MSI2: variants seen among roughly 807,000 people sequenced by gnomAD.
The protein encoded by MSI2 is musashi RNA binding protein 2.
A neutral mutation model predicts 45.6 loss-of-function variants in MSI2; 17 were observed. That is an observed-to-expected ratio of 0.37 (90% CI 0.26 to 0.56). The LOEUF (loss-of-function observed/expected upper bound fraction) is 0.56, where lower values mean the gene tolerates loss of function less well. Among genes scored for constraint, MSI2 ranks in the 20% least tolerant of loss-of-function variants. MSI2 has a pLI of 0.77. For missense variants in MSI2, 293 were observed against 444.2 expected (o/e 0.66, Z 3.06); for synonymous variants, 156 against 158.2 (o/e 0.99, Z 0.11).
chr17:57,283,775 C>T (rs1909625880), intron 5 of MSI2, among the ~76,000 whole-genome samples: 1 of 152,236 alleles, frequency 6.6e-6, no homozygotes, highest in African/African-American at 2.4e-5. Flanking sequence ...CAGAAGACCA[C>T]ACGCGCACGC....
intron 5 of MSI2, among the ~76,000 whole-genome samples, chr17:57,376,309 A>G (rs2083495360): frequency 6.6e-6 from 1 of 152,226 alleles, no homozygotes; most frequent in East Asian, 1.9e-4. Flanking sequence ...GCTCAAAGGG[A>G]TGAAGAGTCT....
At chr17:57,564,104 A>T (rs2087667745) in intron 7 of MSI2, among the ~76,000 whole-genome samples, 1 of 152,160 alleles carries the variant, frequency 6.6e-6, no homozygotes, top group South Asian at 2.1e-4. Flanking sequence ...AAAGGCCCCC[A>T]TGTCCCTGGC....
chr17:57,504,087 C>T (rs990327060), intron 6 of MSI2, among the ~76,000 whole-genome samples: 1 of 152,144 alleles, frequency 6.6e-6, no homozygotes, highest in Non-Finnish European at 1.5e-5. Context: ...TGGCTCTGAC[C>T]TCTCAAATTC....
At chr17:57,699,510 C>A in the MSI2 span, among the ~76,000 whole-genome samples, 1 of 151,612 alleles carries the variant, frequency 6.6e-6, no homozygotes, top group Non-Finnish European at 1.5e-5. Flanking sequence ...AGAGATACTT[C>A]CACGTGCTAA....
At chr17:57,366,418 T>C (rs1376173630) in intron 5 of MSI2, among the ~76,000 whole-genome samples, 1 of 152,256 alleles carries the variant, frequency 6.6e-6, no homozygotes, top group Non-Finnish European at 1.5e-5. Flanking sequence ...AGACACATTC[T>C]GTAATTCATA....
At chr17:57,281,349 T>A (rs1277233552) in intron 5 of MSI2, among the ~76,000 whole-genome samples, 1 of 152,152 alleles carries the variant, frequency 6.6e-6, no homozygotes, top group Non-Finnish European at 1.5e-5. Flanking sequence ...TCTGAGCTCA[T>A]GTGGGCCACT....
intron 10 of MSI2, among the ~76,000 whole-genome samples, chr17:57,638,478 G>A (rs1027739164): frequency 1.3e-5 from 2 of 152,236 alleles, no homozygotes; most frequent in Admixed American, 1.3e-4. Flanking sequence ...AGTGATTGGA[G>A]CAGCTGCACA....
At chr17:57,541,144 A>T (rs1241292472) in intron 7 of MSI2, among the ~76,000 whole-genome samples, 1 of 127,878 alleles carries the variant, frequency 7.8e-6, no homozygotes, top group East Asian at 2.5e-4. Flanking sequence ...TTAAAGATAC[A>T]TTTTGGTAGA....
chr17:57,373,415 G>A (rs1414533918), intron 5 of MSI2, among the ~76,000 whole-genome samples: 1 of 152,104 alleles, frequency 6.6e-6, no homozygotes, highest in East Asian at 1.9e-4. Flanking sequence ...CTTTTTAAAT[G>A]AAGATATTGA....
intron 7 of MSI2, among the ~76,000 whole-genome samples, chr17:57,554,246 G>A (rs58069533): frequency 0.25 from 37,818 of 151,088 alleles, 4,797 homozygotes; most frequent in African/African-American, 0.29. Flanking sequence ...GGAGGGGGGG[G>A]ATGGTTCTTA....
At chr17:57,372,103 G>A (rs2083429865) in intron 5 of MSI2, among the ~76,000 whole-genome samples, 1 of 151,956 alleles carries the variant, frequency 6.6e-6, no homozygotes, top group Non-Finnish European at 1.5e-5. Flanking sequence ...TGTGTTTATG[G>A]TAAACATTTT....
chr17:57,616,702 A>G (rs1567938620), intron 9 of MSI2: 1 of 151,842 alleles, frequency 6.6e-6, no homozygotes. Context: ...TGGCTTTTAG[A>G]GAAATTGAGT....
At chr17:57,563,119 A>C (rs1170184001) in intron 7 of MSI2, among the ~76,000 whole-genome samples, 1 of 151,794 alleles carries the variant, frequency 6.6e-6, no homozygotes, top group Non-Finnish European at 1.5e-5. Context: ...AAAAAAAAAA[A>C]AACAGTGCAT....
chr17:57,627,193 A>G lies in MSI2; in HGVS notation c.653-36A>G. The G allele has an allele frequency of 1.3e-6, 2 of 1,599,248 alleles. No homozygotes were observed. Among genetic ancestry groups the G allele is most frequent in the Non-Finnish European group, 1.7e-6 (2 of 1,166,442 alleles). ...TTTACCCCAGACCTGAGGCGGCTGT[A>G]CTAACAGGACTCTGATCTTTCTCTT... On this transcript the variant is annotated intron_variant, in intron 9 of 13. Coordinates refer to ENST00000284073, the MANE Select transcript of MSI2 (RefSeq NM_138962.4). The surrounding 1 kb of genome is among the most constrained non-coding windows in gnomAD (Gnocchi z 4.6).
chr17:57,557,088 A>G (rs2087453204), intron 7 of MSI2, among the ~76,000 whole-genome samples: 3 of 152,198 alleles, frequency 2.0e-5, no homozygotes, highest in Admixed American at 2.0e-4. Flanking sequence ...GATGCCCGAT[A>G]ATAGCGTTCC....
At chr17:57,699,767 A>G in the MSI2 span, among the ~76,000 whole-genome samples, 1 of 152,186 alleles carries the variant, frequency 6.6e-6, no homozygotes, top group Non-Finnish European at 1.5e-5. Context: ...CCAAAGGTGG[A>G]TGGGGGCCAA....
At chr17:57,700,624 C>T in the MSI2 span, among the ~76,000 whole-genome samples, 21,161 of 152,130 alleles carry the variant, frequency 0.14, 2,064 homozygotes, top group East Asian at 0.48. Flanking sequence ...CAGCCTGGGC[C>T]GGGCGCGGTT....
chr17:57,641,981 G>A (rs1261857251), intron 10 of MSI2, among the ~76,000 whole-genome samples: 8 of 152,144 alleles, frequency 5.3e-5, no homozygotes, highest in Admixed American at 2.0e-4. Context: ...GGCCAGCGTC[G>A]GAGCCCTTGT....
In MSI2 at chr17:57,681,080, G is replaced by A. The variant is rs928705583; in HGVS notation, c.*1563G>A. 2.2e-5 allele frequency: 4 copies of A among 185,232 alleles called. No individual in the cohort carries two copies. Among genetic ancestry groups the A allele is most frequent in the African/African-American group, 9.4e-5 (4 of 42,576 alleles). 11.5% of individuals were successfully genotyped at this position (185,232 alleles called of 1,614,324 possible). On this transcript the variant is annotated 3_prime_UTR_variant, in exon 14 of 14. Coordinates refer to ENST00000284073, the MANE Select transcript of MSI2 (RefSeq NM_138962.4). Reference sequence around the variant, plus strand: ...AAGAATTTTTTTTTAATTTATTGTAGATGTAAACAGAATTTTAAAAATAAA... The same window carrying A: ...AAGAATTTTTTTTTAATTTATTGTAAATGTAAACAGAATTTTAAAAATAAA...
Sources: allele counts gnomAD v4.1 joint callset (sites outside exome capture counted in the v4.1 genomes callset), GRCh38; gene constraint gnomAD v4.1.1; non-coding constraint Gnocchi (gnomAD v3.1); transcripts MANE v1.5; gene names NCBI Gene and HGNC (gene_info 2026-07-23, HGNC 2026-07-21).